ZNF112: variants seen among roughly 807,000 people sequenced by gnomAD.
ZNF112 encodes zinc finger protein 112.
Under a neutral mutation model 77.7 loss-of-function variants are expected in ZNF112, and 37 were observed. The ratio of observed to expected loss-of-function variants is 0.48; its 90% CI spans 0.37 to 0.63. ZNF112 has a LOEUF of 0.63. Ranked by LOEUF, ZNF112 falls within the 20% of genes least tolerant of loss-of-function variation. The pLI is 0.00. For synonymous variants in ZNF112, 333 were observed against 363.6 expected (o/e 0.92, Z 0.96); for missense variants, 950 against 1,077.4 (o/e 0.88, Z 1.66).
At position 44,329,372 on chromosome 19, in the gene ZNF112, C is replaced by T; in HGVS notation, c.785G>A (p.Ser262Asn). 6.2e-7 allele frequency: 1 copy of T among 1,613,836 alleles called. No homozygotes were observed. The highest frequency in any genetic ancestry group is 8.5e-7 in the Non-Finnish European group (1 of 1,179,794). The stretch of plus-strand genomic sequence containing the variant: ...ATGAACCTCAGAGCTGGAGTCATTA[C>T]TGAAGGCTTTTCTATACCCAGTACA... ...YPCTGYRKAF[S>N]NDSSSEVHQQ... Residue 262 changes from serine (S) to asparagine (N), a missense_variant, in exon 4 of 4, where the codon AGT becomes AAT. Ser to Asn is a conservative substitution (Grantham distance 46, BLOSUM62 1). Coordinates refer to ENST00000354340, the MANE Select transcript of ZNF112 (RefSeq NM_013380.4).
intron 1 of ZNF112, among the ~76,000 whole-genome samples, chr19:44,362,743 GA>G (rs916839674): frequency 6.6e-6 from 1 of 151,814 alleles, no homozygotes; most frequent in Non-Finnish European, 1.5e-5. Flanking sequence ...AAAAGAAAAA[GA>G]AAAAAAGAAA....
rs574252217 is a variant in ZNF112, at chr19:44,336,620, C to T, written c.220+3G>A. On this transcript the variant is annotated splice_donor_region_variant and intron_variant, in intron 3 of 3. Coordinates refer to ENST00000354340, the MANE Select transcript of ZNF112 (RefSeq NM_013380.4). ...TGCTGTGTTCCTGCAGCACAGTTCT[C>T]ACCTGAACATCCATCTCTTGGGGTT... 13 of 1,612,156 alleles carry T rather than the reference C, an allele frequency of 8.1e-6. No homozygotes were observed. The highest frequency in any genetic ancestry group is 1.1e-5 in the Non-Finnish European group (13 of 1,178,322).
At chr19:44,337,834 TACACATACACAC>T (rs1187783535) in intron 2 of ZNF112, among the ~76,000 whole-genome samples, 14 of 18,438 alleles carry the variant, frequency 7.6e-4, no homozygotes, top group Non-Finnish European at 1.3e-3. Flanking sequence ...TGTATATACA[TACACATACACAC>T]ACACACACAC....
chr19:44,340,407 T>C lies in ZNF112; in HGVS notation c.124+9A>G. On this transcript the variant is annotated intron_variant, in intron 2 of 3. Transcript: ENST00000354340. ...CTGCCATTGAGTAACTAAGGGCACC[T>C]ATCCTCACCTACTAAGAGCAGGTTC... 6.2e-7 allele frequency: 1 copy of C among 1,613,460 alleles called. No homozygotes were observed. The highest frequency in any genetic ancestry group is 8.5e-7 in the Non-Finnish European group (1 of 1,179,710).
chr19:44,360,448 A>G (rs568083865), upstream of ZNF112, among the ~76,000 whole-genome samples: 1 of 152,280 alleles, frequency 6.6e-6, no homozygotes, highest in South Asian at 2.1e-4. Context: ...AAGCAATAGT[A>G]AAGATCTACA....
intron 1 of ZNF112, among the ~76,000 whole-genome samples, chr19:44,362,468 T>C (rs1970864076): frequency 1.3e-5 from 2 of 152,110 alleles, no homozygotes; most frequent in Admixed American, 1.3e-4. Context: ...TATGGGATTT[T>C]TGAGGTGAAA....
At chr19:44,340,610 T>C (rs1169473376) in intron 1 of ZNF112, 68 bp from the exon 2 acceptor site, 2 of 1,608,434 alleles carry the variant, frequency 1.2e-6, no homozygotes, top group African/African-American at 2.7e-5. Context: ...TGTAAAGGAC[T>C]GGAAGCTGTT....
chr19:44,336,798 C>G (rs1320978581), intron 2 of ZNF112, 80 bp from the exon 3 acceptor site: 1 of 1,123,446 alleles, frequency 8.9e-7, no homozygotes, highest in Non-Finnish European at 1.4e-6. Context: ...AAGGTATACA[C>G]AGACAAGTGA....
chr19:44,350,524 A>C, intron 1 of ZNF112, among the ~76,000 whole-genome samples: 1 of 152,122 alleles, frequency 6.6e-6, no homozygotes, highest in East Asian at 1.9e-4. Context: ...CTTCTTAATG[A>C]ACTCGACCTA....
upstream of ZNF112, among the ~76,000 whole-genome samples, chr19:44,357,653 G>T (rs1970807037): frequency 6.6e-6 from 1 of 152,142 alleles, no homozygotes. Flanking sequence ...TTTAACTACT[G>T]ATGATGAAAT....
chr19:44,336,837 T>C (rs1480212563), intron 2 of ZNF112, 119 bp from the exon 3 acceptor site: 1 of 730,582 alleles, frequency 1.4e-6, no homozygotes. Flanking sequence ...TTCCACCCTG[T>C]TACCTTCCAC....
In ZNF112 at chr19:44,329,543, T is replaced by A; in HGVS notation, c.614A>T (p.Asp205Val). The change falls in exon 4 of 4, where the codon GAC becomes GTC. Residue 205 changes from aspartate (D) to valine (V), a missense_variant. Around this residue, in one of 3 missense-constraint regions of ZNF112, gnomAD observed 560 missense variants for 557.3 expected, o/e 1.00. Coordinates refer to ENST00000354340, the MANE Select transcript of ZNF112 (RefSeq NM_013380.4). ...GTGATGTGAGAGCCAACTGACACTG[T>A]CACACTTACAGAAATGATTTTTCAT... ...ISMKNHFCKCDSVSWLSHHND... is the reference protein window; with the variant it reads ...ISMKNHFCKCVSVSWLSHHND... The A allele has an allele frequency of 6.2e-7, 1 of 1,614,132 alleles. No individual in the cohort carries two copies. Among genetic ancestry groups the A allele is most frequent in the Non-Finnish European group, 8.5e-7 (1 of 1,180,004 alleles).
intron 1 of ZNF112, among the ~76,000 whole-genome samples, chr19:44,355,160 A>G (rs906735807): frequency 7.2e-5 from 11 of 152,200 alleles, no homozygotes; most frequent in African/African-American, 2.7e-4. Context: ...TTTTAGTCAT[A>G]TTACATTTGG....
At chr19:44,341,536 A>C (rs1304370639) in intron 1 of ZNF112, among the ~76,000 whole-genome samples, 1 of 152,236 alleles carries the variant, frequency 6.6e-6, no homozygotes. Flanking sequence ...AATCATAGTC[A>C]ACACTGGATA....
intron 2 of ZNF112, among the ~76,000 whole-genome samples, chr19:44,338,881 G>A (rs1034877462): frequency 6.6e-6 from 1 of 152,058 alleles, no homozygotes; most frequent in Non-Finnish European, 1.5e-5. Context: ...TGGCCAACAT[G>A]GTGAAACCTC....
In ZNF112 at chr19:44,326,948, A is replaced by G. The variant is rs1970133318; in HGVS notation, c.*485T>C. On this transcript the variant is annotated 3_prime_UTR_variant, in exon 4 of 4. Transcript: ENST00000354340. The stretch of plus-strand genomic sequence containing the variant: ...GTTCTACATTTCAAATATTTACTTG[A>G]AATGATTTTATTAAGATTACTTGCA... 6.5e-6 allele frequency: 1 copy of G among 154,606 alleles called. No individual in the cohort carries two copies. The highest frequency in any genetic ancestry group is 1.4e-5 in the Non-Finnish European group (1 of 69,520). The allele number at this position is 154,606 out of a possible 1,614,324, so 9.6% of individuals were successfully genotyped here. A position where few individuals can be genotyped will look rare whatever the true frequency, so the allele number is the denominator to read the frequency against.
chr19:44,347,355 C>T (rs1970609413), intron 1 of ZNF112, among the ~76,000 whole-genome samples: 1 of 151,980 alleles, frequency 6.6e-6, no homozygotes, highest in Admixed American at 6.6e-5. Flanking sequence ...TTGATGTATT[C>T]AGGCCATTAG....
At chr19:44,345,370 A>G (rs1970568763) in intron 1 of ZNF112, among the ~76,000 whole-genome samples, 1 of 152,132 alleles carries the variant, frequency 6.6e-6, no homozygotes, top group Non-Finnish European at 1.5e-5. Flanking sequence ...CCAGATCCCC[A>G]TTTCTCTCTT....
In ZNF112 at chr19:44,355,913, T is replaced by C. The variant is rs1808734; in HGVS notation, c.-4+713A>G. On this transcript the variant is annotated intron_variant, in intron 1 of 3. Transcript: ENST00000354340. ...AAGTACTACTCAGGTGAGACTCCGC[T>C]GCCAAGTGCCAAAGGGTCATTCCCT... 5.1e-3 allele frequency among the ~76,000 whole-genome samples: 779 copies of C among 152,346 alleles called. 5 individuals carry two copies. Among genetic ancestry groups the C allele is most frequent in the African/African-American group, 0.018 (752 of 41,588 alleles).
Sources: allele counts gnomAD v4.1 joint callset (sites outside exome capture counted in the v4.1 genomes callset), GRCh38; gene constraint gnomAD v4.1.1; regional missense constraint gnomAD v4.1.1; transcripts MANE v1.5; gene names NCBI Gene and HGNC (gene_info 2026-07-23, HGNC 2026-07-21).